CNTNAP4: variants seen among roughly 807,000 people sequenced by gnomAD.
The protein encoded by CNTNAP4 is contactin associated protein family member 4.
CNTNAP4 carries 98 observed loss-of-function variants against 148.4 expected under a neutral mutation model. That is an observed-to-expected ratio of 0.66 (90% confidence interval 0.56 to 0.78). The LOEUF (loss-of-function observed/expected upper bound fraction) is 0.78, where lower values mean the gene tolerates loss of function less well. Ranked by LOEUF, CNTNAP4 falls within the 30% of genes least tolerant of loss-of-function variation. CNTNAP4 has a pLI of 0.00. For missense variants in CNTNAP4, 1,935 were observed against 1,565.6 expected (o/e 1.24, Z -3.98); for synonymous variants, 730 against 565.1 (o/e 1.29, Z -4.14).
At chr16:76,399,839 A>G (rs2078341459) in intron 3 of CNTNAP4, among the ~76,000 whole-genome samples, 1 of 152,340 alleles carries the variant, frequency 6.6e-6, no homozygotes, top group South Asian at 2.1e-4. Flanking sequence ...CACTTAACTA[A>G]TGAAGAGAGC....
chr16:76,468,442 C>G (rs1212665504), intron 10 of CNTNAP4, among the ~76,000 whole-genome samples: 1 of 152,038 alleles, frequency 6.6e-6, no homozygotes, highest in Non-Finnish European at 1.5e-5. Context: ...CCATTGCACT[C>G]CAGCCTGGGC....
At chr16:76,525,642 TA>T (rs2083691358) in intron 17 of CNTNAP4, among the ~76,000 whole-genome samples, 1 of 142,380 alleles carries the variant, frequency 7.0e-6, no homozygotes, top group Admixed American at 7.1e-5. Context: ...TAACTACATA[TA>T]AACTATAAAA....
At chr16:76,454,738 C>T (rs981243193) in intron 8 of CNTNAP4, among the ~76,000 whole-genome samples, 4 of 152,180 alleles carry the variant, frequency 2.6e-5, no homozygotes, top group African/African-American at 9.6e-5. Flanking sequence ...TTTATGTATG[C>T]GACACTTGAT....
chr16:76,480,471 G>A (rs2081785740), intron 12 of CNTNAP4, among the ~76,000 whole-genome samples: 1 of 152,088 alleles, frequency 6.6e-6, no homozygotes, highest in African/African-American at 2.4e-5. Flanking sequence ...AATATAAAAT[G>A]TTCATTGATC....
chr16:76,325,525 G>A (rs1014850896), intron 2 of CNTNAP4, among the ~76,000 whole-genome samples: 8 of 152,142 alleles, frequency 5.3e-5, no homozygotes, highest in Non-Finnish European at 8.8e-5. Flanking sequence ...CCAGAAAGGC[G>A]TGGAATTTAA....
intron 3 of CNTNAP4, among the ~76,000 whole-genome samples, chr16:76,374,199 A>C (rs1194214845): frequency 6.6e-6 from 1 of 152,220 alleles, no homozygotes; most frequent in Non-Finnish European, 1.5e-5. Flanking sequence ...TTGCTGGAGC[A>C]GTGAAAAGAC....
intron 10 of CNTNAP4, among the ~76,000 whole-genome samples, chr16:76,469,934 A>T (rs1398308594): frequency 6.6e-6 from 1 of 152,126 alleles, no homozygotes; most frequent in Admixed American, 6.5e-5. Flanking sequence ...GTTTGGTCTT[A>T]TATACTATAC....
At chr16:76,443,870 T>A (rs901591875) in intron 4 of CNTNAP4, among the ~76,000 whole-genome samples, 3 of 152,154 alleles carry the variant, frequency 2.0e-5, no homozygotes, top group African/African-American at 7.2e-5. Context: ...CTTTGTGGAA[T>A]AGTGAAAATA....
At chr16:76,520,639 G>A (rs1172050036) in intron 15 of CNTNAP4, among the ~76,000 whole-genome samples, 1 of 152,154 alleles carries the variant, frequency 6.6e-6, no homozygotes, top group Non-Finnish European at 1.5e-5. Context: ...GCCGGTCTCA[G>A]TTTAGAAAAT....
chr16:76,294,461 A>T (rs1428761), intron 1 of CNTNAP4, among the ~76,000 whole-genome samples: 1 of 152,136 alleles, frequency 6.6e-6, no homozygotes, highest in Non-Finnish European at 1.5e-5. Flanking sequence ...CACTGGCTGA[A>T]TATGTTTCAT....
intron 3 of CNTNAP4, among the ~76,000 whole-genome samples, chr16:76,408,437 TACAC>T (rs1250545101): frequency 7.2e-6 from 1 of 138,438 alleles, no homozygotes. Context: ...ATTCACTAGA[TACAC>T]ACAAGTAAAC....
intron 3 of CNTNAP4, among the ~76,000 whole-genome samples, chr16:76,375,908 A>G (rs1279757912): frequency 6.6e-6 from 1 of 152,214 alleles, no homozygotes; most frequent in East Asian, 1.9e-4. Context: ...ATCAGATTGC[A>G]TGCATTCAGA....
intron 3 of CNTNAP4, among the ~76,000 whole-genome samples, chr16:76,392,723 A>G (rs941258857): frequency 6.6e-6 from 1 of 152,160 alleles, no homozygotes; most frequent in African/African-American, 2.4e-5. Context: ...GTCTTTAGGG[A>G]GGAGCTCTTT....
At chr16:76,473,307 G>A (rs1440333591) in intron 10 of CNTNAP4, among the ~76,000 whole-genome samples, 3 of 152,076 alleles carry the variant, frequency 2.0e-5, no homozygotes, top group Non-Finnish European at 4.4e-5. Flanking sequence ...ATATCTATAT[G>A]TTTGTAGTGG....
At chr16:76,360,365 G>T (rs887911256) in intron 3 of CNTNAP4, among the ~76,000 whole-genome samples, 1 of 152,174 alleles carries the variant, frequency 6.6e-6, no homozygotes, top group African/African-American at 2.4e-5. Context: ...ACATGCATTT[G>T]TTTTAAGTCA....
At chr16:76,342,465 C>CTTTTTT (rs397854943) in intron 2 of CNTNAP4, among the ~76,000 whole-genome samples, 217 of 91,482 alleles carry the variant, frequency 2.4e-3, no homozygotes, top group Middle Eastern at 0.011. Flanking sequence ...TTGCTAATTT[C>CTTTTTT]TTTTTTTTTT....
chr16:76,500,543 A>G (rs2082592222), intron 15 of CNTNAP4, among the ~76,000 whole-genome samples: 1 of 152,014 alleles, frequency 6.6e-6, no homozygotes, highest in African/African-American at 2.4e-5. Flanking sequence ...GGATGAAATT[A>G]GAATGTCAAT....
At chr16:76,338,722 T>A (rs998082061) in intron 2 of CNTNAP4, among the ~76,000 whole-genome samples, 1 of 152,190 alleles carries the variant, frequency 6.6e-6, no homozygotes, top group East Asian at 1.9e-4. Context: ...GGAGACAGAC[T>A]GTTTTCAGGG....
chr16:76,448,155 A>T lies in CNTNAP4; in HGVS notation c.682A>T (p.Asn228Tyr). ...DGILLHREGP[N>Y]GDHITLQLRR... ...GATTCTACTCCACAGGGAAGGGCCAAATGGAGATCACATCACACTGCAATT... is the reference window on the plus strand; with the variant it reads ...GATTCTACTCCACAGGGAAGGGCCATATGGAGATCACATCACACTGCAATT... The change falls in exon 5 of 24, where the codon AAT becomes TAT. Residue 228 changes from asparagine to tyrosine, a missense_variant. Coordinates refer to ENST00000611870, the MANE Select transcript of CNTNAP4 (RefSeq NM_033401.5). The T allele has an allele frequency of 6.2e-7, 1 of 1,613,640 alleles. No individual in the cohort carries two copies. The highest frequency in any genetic ancestry group is 8.5e-7 in the Non-Finnish European group (1 of 1,179,612).
Sources: allele counts gnomAD v4.1 joint callset (sites outside exome capture counted in the v4.1 genomes callset), GRCh38; gene constraint gnomAD v4.1.1; transcripts MANE v1.5; gene names NCBI Gene and HGNC (gene_info 2026-07-23, HGNC 2026-07-21).